Variants in FBLN5 observed in about 807,000 individuals in gnomAD.
FBLN5 encodes the protein fibulin-5.
A neutral mutation model predicts 61.6 loss-of-function variants in FBLN5; 24 were observed. The observed-to-expected ratio is 0.39, with a 90% CI of 0.28 to 0.55. The LOEUF (loss-of-function observed/expected upper bound fraction) is 0.55, where lower values mean the gene tolerates loss of function less well. Ranked by LOEUF, FBLN5 falls within the 20% of genes least tolerant of loss-of-function variation. The pLI is 0.65. For missense variants in FBLN5, 470 were observed against 594.1 expected, an observed-to-expected ratio of 0.79 and a Z score of 2.17; for synonymous variants, 213 against 219.8, an observed-to-expected ratio of 0.97 and a Z score of 0.27.
At chr14:91,894,688 C>T (rs1890146413) in intron 5 of FBLN5, among the ~76,000 whole-genome samples, 1 of 152,238 alleles carries the variant, frequency 6.6e-6, no homozygotes. Context: ...CGCCATTGCA[C>T]TCCAGCCTGG....
intron 4 of FBLN5, among the ~76,000 whole-genome samples, chr14:91,910,290 T>C (rs1457901327): frequency 6.6e-6 from 1 of 152,186 alleles, no homozygotes; most frequent in Non-Finnish European, 1.5e-5. Context: ...ACAAATACTG[T>C]ATGAGTCCAC....
intron 4 of FBLN5, among the ~76,000 whole-genome samples, chr14:91,916,362 G>T (rs531672869): frequency 2.8e-4 from 43 of 152,278 alleles, no homozygotes; most frequent in Middle Eastern, 3.4e-3. Flanking sequence ...ACAGAGAATC[G>T]CTTGAACGTG....
chr14:91,881,413 T>C lies in FBLN5; in HGVS notation c.868A>G (p.Asn290Asp). 6.2e-7 allele frequency: 1 copy of C among 1,614,148 alleles called. No individual in the cohort carries two copies. The highest frequency in any genetic ancestry group is 1.1e-5 in the South Asian group (1 of 91,080). Residue 290 changes from asparagine to aspartate, a missense_variant, in exon 9 of 11, where the codon AAC (asparagine) becomes GAC (aspartate). Asn to Asp is a conservative substitution (Grantham distance 23). Transcript: ENST00000342058. The stretch of plus-strand genomic sequence containing the variant: ...GTGTGGTTCCTGTGCTCACATTCGT[T>C]GATGTCTGAAATGCAGGGGAGACAA... ...LDDNRSCQDI[N>D]ECEHRNHTCN...
intron 4 of FBLN5, among the ~76,000 whole-genome samples, chr14:91,895,821 A>AAAAAAAAC: frequency 6.6e-6 from 1 of 150,852 alleles, no homozygotes; most frequent in African/African-American, 2.4e-5. Flanking sequence ...AAAAAAAAAA[A>AAAAAAAAC]AGTTCCCTGC....
intron 4 of FBLN5, among the ~76,000 whole-genome samples, chr14:91,925,430 C>T (rs2140029970): frequency 6.6e-6 from 1 of 152,272 alleles, no homozygotes; most frequent in South Asian, 2.1e-4. Flanking sequence ...AGGAGATGGC[C>T]CAGAGACCCT....
At chr14:91,945,408 T>G (rs72705374) in intron 1 of FBLN5, among the ~76,000 whole-genome samples, 10,877 of 152,100 alleles carry the variant, frequency 0.072, 527 homozygotes, top group Admixed American at 0.14. Flanking sequence ...CACGACAATG[T>G]CCATACACCT....
At chr14:91,915,692 A>C (rs865930214) in intron 4 of FBLN5, among the ~76,000 whole-genome samples, 12 of 145,746 alleles carry the variant, frequency 8.2e-5, no homozygotes, top group Middle Eastern at 3.5e-3. Context: ...ATCTCAAAAA[A>C]AAAAAAAAAA....
chr14:91,946,606 G>T, intron 1 of FBLN5: 1 of 886,420 alleles, frequency 1.1e-6, no homozygotes, highest in Admixed American at 2.1e-5. Context: ...TCAAGAGCTC[G>T]CTGAATAAAG....
chr14:91,910,545 T>C (rs1890875560), intron 4 of FBLN5, among the ~76,000 whole-genome samples: 1 of 152,208 alleles, frequency 6.6e-6, no homozygotes, highest in Non-Finnish European at 1.5e-5. Context: ...AAAAAGTGAA[T>C]ATCTGTAAAT....
intron 4 of FBLN5, among the ~76,000 whole-genome samples, chr14:91,925,005 C>T (rs1302094117): frequency 6.6e-6 from 1 of 152,206 alleles, no homozygotes; most frequent in African/African-American, 2.4e-5. Flanking sequence ...TCTTAAACCC[C>T]TCCTCCCATG....
intron 4 of FBLN5, among the ~76,000 whole-genome samples, chr14:91,896,368 C>G (rs1890224679): frequency 6.6e-6 from 1 of 152,176 alleles, no homozygotes; most frequent in Non-Finnish European, 1.5e-5. Context: ...TTCACCTGCA[C>G]CTTGGTGGGT....
At chr14:91,917,948 G>A (rs1045460818) in intron 4 of FBLN5, among the ~76,000 whole-genome samples, 5 of 152,132 alleles carry the variant, frequency 3.3e-5, no homozygotes, top group Admixed American at 3.3e-4. Flanking sequence ...AGTGTGTAAG[G>A]TACAATGGAA....
At chr14:91,909,483 G>A (rs893704006) in intron 4 of FBLN5, among the ~76,000 whole-genome samples, 2 of 152,190 alleles carry the variant, frequency 1.3e-5, no homozygotes, top group African/African-American at 2.4e-5. Context: ...CACTGTGACA[G>A]TATTAAAAGT....
At chr14:91,892,588 T>C (rs1181083794) in intron 5 of FBLN5, among the ~76,000 whole-genome samples, 1 of 152,218 alleles carries the variant, frequency 6.6e-6, no homozygotes, top group African/African-American at 2.4e-5. Flanking sequence ...GCACTGCCCC[T>C]GAGTGCAGAG....
At chr14:91,889,644 T>G (rs1889895319) in intron 6 of FBLN5, among the ~76,000 whole-genome samples, 1 of 152,174 alleles carries the variant, frequency 6.6e-6, no homozygotes, top group African/African-American at 2.4e-5. Flanking sequence ...TGAACAGACG[T>G]GACAATGCTC....
At chr14:91,896,928 T>C (rs1298653900) in intron 4 of FBLN5, among the ~76,000 whole-genome samples, 9 of 152,196 alleles carry the variant, frequency 5.9e-5, no homozygotes, top group African/African-American at 1.7e-4. Context: ...TTGTGTAGCA[T>C]AGGGCTTTGT....
intron 4 of FBLN5, among the ~76,000 whole-genome samples, chr14:91,905,950 C>A (rs1397012164): frequency 1.3e-5 from 2 of 151,474 alleles, no homozygotes; most frequent in Non-Finnish European, 2.9e-5. Context: ...TGCAGTGGTG[C>A]CATCTTGGCT....
chr14:91,928,062 C>G (rs2055859360), intron 4 of FBLN5, among the ~76,000 whole-genome samples: 1 of 152,214 alleles, frequency 6.6e-6, no homozygotes, highest in African/African-American at 2.4e-5. Flanking sequence ...CTCACCAGAC[C>G]AGTGCCAATA....
At chr14:91,908,384 T>A (rs1194784689) in intron 4 of FBLN5, among the ~76,000 whole-genome samples, 1 of 152,218 alleles carries the variant, frequency 6.6e-6, no homozygotes, top group Non-Finnish European at 1.5e-5. Flanking sequence ...ACAGTGAACC[T>A]CTCTCATCTT....
Sources: gnomAD v4.1 joint callset for allele counts (sites outside exome capture counted in the v4.1 genomes callset) on GRCh38, gnomAD v4.1.1 for gene constraint, MANE v1.5 for transcripts, NCBI Gene and HGNC (gene_info 2026-07-23, HGNC 2026-07-21) for gene names.